Variants in RAB3C observed in about 807,000 individuals in gnomAD.
RAB3C encodes RAB3C, member RAS oncogene family.
A neutral mutation model predicts 26.4 loss-of-function variants in RAB3C; 17 were observed. The observed-to-expected ratio is 0.64, with a 90% CI of 0.44 to 0.97. The LOEUF (loss-of-function observed/expected upper bound fraction) is 0.97, where lower values mean the gene tolerates loss of function less well. Among genes scored for constraint, RAB3C ranks in the 50% least tolerant of loss-of-function variants. RAB3C has a pLI of 0.00. For synonymous variants in RAB3C, 91 were observed against 95.9 expected, an observed-to-expected ratio of 0.95 and a Z score of 0.30; for missense variants, 242 against 281.9, an observed-to-expected ratio of 0.86 and a Z score of 1.01.
chr5:58,799,827 G>A (rs1742764309), intron 3 of RAB3C, among the ~76,000 whole-genome samples: 1 of 152,144 alleles, frequency 6.6e-6, no homozygotes, highest in Non-Finnish European at 1.5e-5. Context: ...TAGGAGATAA[G>A]AGAAGACAAC....
chr5:58,624,039 A>C (rs1309366296), intron 2 of RAB3C, among the ~76,000 whole-genome samples: 2 of 152,176 alleles, frequency 1.3e-5, no homozygotes, highest in African/African-American at 4.8e-5. Flanking sequence ...CACAAATGTT[A>C]GTTTTCTTCT....
At chr5:58,845,122 A>G (rs1264113527) in intron 4 of RAB3C, among the ~76,000 whole-genome samples, 2 of 152,194 alleles carry the variant, frequency 1.3e-5, no homozygotes, top group Non-Finnish European at 2.9e-5. Context: ...CTGACGTTCC[A>G]GTACTCTTCA....
At chr5:58,847,971 C>T (rs1332487812) in intron 4 of RAB3C, among the ~76,000 whole-genome samples, 1 of 152,176 alleles carries the variant, frequency 6.6e-6, no homozygotes, top group Non-Finnish European at 1.5e-5. Context: ...ATTCTCCTGG[C>T]TCAGCCTCCT....
At chr5:58,768,173 T>C (rs1284547442) in intron 3 of RAB3C, among the ~76,000 whole-genome samples, 2 of 152,108 alleles carry the variant, frequency 1.3e-5, no homozygotes, top group Non-Finnish European at 2.9e-5. Context: ...TTGAAATGCC[T>C]ACAGGATCAT....
intron 3 of RAB3C, among the ~76,000 whole-genome samples, chr5:58,772,333 G>A (rs1458800423): frequency 6.6e-6 from 1 of 152,168 alleles, no homozygotes; most frequent in Admixed American, 6.6e-5. Context: ...CATGGGATGG[G>A]GTGTTTGGAG....
intron 4 of RAB3C, among the ~76,000 whole-genome samples, chr5:58,836,134 C>A (rs955594259): frequency 5.9e-5 from 9 of 152,050 alleles, no homozygotes; most frequent in Admixed American, 5.9e-4. Context: ...ATCAGTGTAT[C>A]CTTTTATCAA....
At chr5:58,611,653 T>G (rs1746703215) in intron 1 of RAB3C, among the ~76,000 whole-genome samples, 1 of 152,176 alleles carries the variant, frequency 6.6e-6, no homozygotes, top group Non-Finnish European at 1.5e-5. Context: ...AGGCATAGTT[T>G]GCAAAAAATT....
chr5:58,742,597 T>A (rs1045845629), intron 3 of RAB3C, among the ~76,000 whole-genome samples: 1 of 152,232 alleles, frequency 6.6e-6, no homozygotes, highest in Non-Finnish European at 1.5e-5. Flanking sequence ...CTAAGCAACT[T>A]GAAAACATAG....
chr5:58,832,755 T>G (rs975283233), intron 4 of RAB3C, among the ~76,000 whole-genome samples: 1 of 152,152 alleles, frequency 6.6e-6, no homozygotes, highest in Non-Finnish European at 1.5e-5. Flanking sequence ...CAGGTGATGG[T>G]CTCCCTAGGC....
chr5:58,641,099 A>G (rs1453350333), intron 2 of RAB3C, among the ~76,000 whole-genome samples: 3 of 152,186 alleles, frequency 2.0e-5, no homozygotes, highest in Non-Finnish European at 4.4e-5. Context: ...GCAACTTCAT[A>G]TAATAAGATC....
chr5:58,654,778 G>T (rs940101293), intron 2 of RAB3C, among the ~76,000 whole-genome samples: 2 of 152,024 alleles, frequency 1.3e-5, no homozygotes, highest in Non-Finnish European at 2.9e-5. Context: ...GCTTAAACAT[G>T]TTTGATAGTG....
At chr5:58,678,489 C>T (rs158992) in intron 2 of RAB3C, among the ~76,000 whole-genome samples, 51,023 of 151,904 alleles carry the variant, frequency 0.34, 8,917 homozygotes, top group East Asian at 0.42. Context: ...AAGTCACTGA[C>T]ATCAGGAAAG....
At chr5:58,698,533 T>G (rs1315989629) in intron 2 of RAB3C, among the ~76,000 whole-genome samples, 3 of 152,226 alleles carry the variant, frequency 2.0e-5, no homozygotes, top group Non-Finnish European at 4.4e-5. Context: ...CCAACTTGGT[T>G]CCATTTTCCC....
intron 1 of RAB3C, among the ~76,000 whole-genome samples, chr5:58,593,523 G>A (rs1274949550): frequency 1.3e-5 from 2 of 152,030 alleles, no homozygotes; most frequent in Non-Finnish European, 2.9e-5. Flanking sequence ...ATTGAGCATT[G>A]TTCTTGTGAT....
intron 2 of RAB3C, among the ~76,000 whole-genome samples, chr5:58,711,476 G>A (rs1749061059): frequency 6.6e-6 from 1 of 152,142 alleles, no homozygotes; most frequent in African/African-American, 2.4e-5. Context: ...TATTTCTGAA[G>A]ATACCCTGCT....
chr5:58,761,121 T>A (rs959999102), intron 3 of RAB3C, among the ~76,000 whole-genome samples: 2 of 149,792 alleles, frequency 1.3e-5, no homozygotes, highest in African/African-American at 4.9e-5. Flanking sequence ...ATATACCACA[T>A]TGTTTACTGT....
At chr5:58,760,796 T>C (rs1273564524) in intron 3 of RAB3C, among the ~76,000 whole-genome samples, 1 of 152,174 alleles carries the variant, frequency 6.6e-6, no homozygotes, top group East Asian at 1.9e-4. Flanking sequence ...CCAAGGAACT[T>C]ACAGTCTAGT....
Position 58,857,903 on chromosome 5 carries a change from A to G in RAB3C, c.*6552A>G, listed in dbSNP as rs1744299523. The G allele has an allele frequency of 1.3e-5, 2 of 152,348 alleles. No individual in the cohort carries two copies. The highest frequency in any genetic ancestry group is 1.9e-4 in the East Asian group (1 of 5,196). The allele number at this position is 152,348 out of a possible 1,614,324, so 9.4% of individuals were successfully genotyped here. Reference sequence around the variant, plus strand: ...AACGAAAAGCTATAAATGTTTATGTATGTGAATTTTAAATTAGAATAACCG... The same window carrying G: ...AACGAAAAGCTATAAATGTTTATGTGTGTGAATTTTAAATTAGAATAACCG... On this transcript the variant is annotated 3_prime_UTR_variant, in exon 5 of 5. Transcript: ENST00000282878.
At chr5:58,737,926 T>C (rs1245675605) in intron 3 of RAB3C, among the ~76,000 whole-genome samples, 1 of 152,152 alleles carries the variant, frequency 6.6e-6, no homozygotes, top group South Asian at 2.1e-4. Flanking sequence ...TTATCTTACA[T>C]AGTGAGCAAT....
Sources: allele counts gnomAD v4.1 joint callset (sites outside exome capture counted in the v4.1 genomes callset), GRCh38; gene constraint gnomAD v4.1.1; transcripts MANE v1.5; gene names NCBI Gene and HGNC (gene_info 2026-07-23, HGNC 2026-07-21).